Variants in ACLY observed in about 807,000 individuals in gnomAD.
ACLY encodes the protein ATP-citrate synthase.
Under a neutral mutation model 133.0 loss-of-function variants are expected in ACLY, and 41 were observed. That is an observed-to-expected ratio of 0.31 (90% confidence interval 0.24 to 0.40). The LOEUF (loss-of-function observed/expected upper bound fraction) is 0.40. Among genes scored for constraint, ACLY ranks in the 10% least tolerant of loss-of-function variants. The pLI is 1.00. For synonymous variants in ACLY, 495 were observed against 549.3 expected (o/e 0.90, Z 1.38); for missense variants, 1,046 against 1,453.8 (o/e 0.72, Z 4.56).
chr17:41,895,404 C>T (rs1555630141), intron 14 of ACLY, among the ~76,000 whole-genome samples: 3 of 152,188 alleles, frequency 2.0e-5, no homozygotes, highest in African/African-American at 7.2e-5. Flanking sequence ...GTGGCCCTTC[C>T]TCAAGCACAG....
intron 20 of ACLY, among the ~76,000 whole-genome samples, chr17:41,881,985 T>A: frequency 6.6e-6 from 1 of 152,178 alleles, no homozygotes; most frequent in East Asian, 1.9e-4. Flanking sequence ...TATCAACATA[T>A]CAAGTTCCAC....
At position 41,884,180 on chromosome 17, in the gene ACLY, TA is replaced by T; in HGVS notation, c.2154+12del. 4.6e-6 allele frequency: 7 copies of T among 1,512,732 alleles called. No homozygotes were observed. Among genetic ancestry groups the T allele is most frequent in the Non-Finnish European group, 4.6e-6 (5 of 1,092,626 alleles). 93.7% of individuals were successfully genotyped at this position (1,512,732 alleles called of 1,614,324 possible). A position where few individuals can be genotyped will look rare whatever the true frequency, so the allele number is the denominator to read the frequency against. On this transcript the variant is annotated intron_variant, in intron 19 of 28. Transcript: ENST00000352035. ...GTTTTAAAATCATAATTTTTTTTTTTAAAGTAACTCACCTCTCCAAGAACCA... is the reference window on the plus strand; with the variant it reads ...GTTTTAAAATCATAATTTTTTTTTTTAAGTAACTCACCTCTCCAAGAACCA...
intron 10 of ACLY, among the ~76,000 whole-genome samples, chr17:41,902,287 C>T (rs1335268666): frequency 6.6e-6 from 1 of 152,200 alleles, no homozygotes; most frequent in African/African-American, 2.4e-5. Context: ...GAGCTCGGCT[C>T]ACTGCAACCT....
rs2048498357 is a variant in ACLY at position 41,867,624 on chromosome 17, G to A, written c.*186C>T. 1 of 411,696 alleles carries A rather than the reference G, an allele frequency of 2.4e-6. No individual in the cohort carries two copies. Among genetic ancestry groups the A allele is most frequent in the African/African-American group, 2.1e-5 (1 of 48,520 alleles). 25.5% of individuals were successfully genotyped at this position (411,696 alleles called of 1,614,324 possible). A position where few individuals can be genotyped will look rare whatever the true frequency, so the allele number is the denominator to read the frequency against. On this transcript the variant is annotated 3_prime_UTR_variant, in exon 29 of 29. Coordinates refer to ENST00000352035, the MANE Select transcript of ACLY (RefSeq NM_001096.3). ...TCTATGCTTATAAAAAAAATATGAA[G>A]CTTCTTTGTGTGGACTGAAGGGGTG...
chr17:41,901,993 C>T (rs1484763014), intron 10 of ACLY, among the ~76,000 whole-genome samples, 180 bp from the exon 11 acceptor site: 3 of 152,150 alleles, frequency 2.0e-5, no homozygotes, highest in Non-Finnish European at 2.9e-5. Flanking sequence ...GAGGTGGGAA[C>T]GTGGGGTACC....
At chr17:41,928,503 C>A (rs1567923471) in intron 1 of ACLY, among the ~76,000 whole-genome samples, 1 of 151,456 alleles carries the variant, frequency 6.6e-6, no homozygotes, top group African/African-American at 2.4e-5. Context: ...TATTTTAGGT[C>A]TTTTGCATTT....
At chr17:41,902,515 G>A (rs531157157) in intron 10 of ACLY, among the ~76,000 whole-genome samples, 42 of 152,232 alleles carry the variant, frequency 2.8e-4, no homozygotes, top group Non-Finnish European at 5.1e-4. Context: ...CGCCCAGCGC[G>A]GTGTAAGAAC....
At chr17:41,885,910 A>C (rs1432262392) in intron 18 of ACLY, among the ~76,000 whole-genome samples, 1 of 152,166 alleles carries the variant, frequency 6.6e-6, no homozygotes, top group Non-Finnish European at 1.5e-5. Context: ...CCTCCTGCAC[A>C]TTGTTGCCCT....
chr17:41,873,328 C>T (rs1175472117), intron 23 of ACLY, among the ~76,000 whole-genome samples: 1 of 152,062 alleles, frequency 6.6e-6, no homozygotes. Flanking sequence ...TACAGGCGTG[C>T]ACCACTATGC....
At chr17:41,876,443 A>G (rs574160463) in intron 22 of ACLY, among the ~76,000 whole-genome samples, 5 of 152,378 alleles carry the variant, frequency 3.3e-5, no homozygotes, top group Non-Finnish European at 5.9e-5. Context: ...GCGAGCCATG[A>G]TGACAATGGC....
In ACLY at chr17:41,929,865, CGT is replaced by C. The variant is rs34705137; in HGVS notation, c.-28+491_-28+492del. Among the ~76,000 whole-genome samples the C allele has an allele frequency of 5.1e-3, 769 of 149,830 alleles. 6 individuals are homozygous for C. Among genetic ancestry groups the C allele is most frequent in the African/African-American group, 0.017 (680 of 40,958 alleles). On this transcript the variant is annotated intron_variant, in intron 1 of 3. Coordinates refer to the ACLY transcript ENST00000592970. ...AATATCCCCAGTTTTACATGTATGC[CGT>C]GTGTGTGTGTGTGTGTGTGCATTTG...
intron 19 of ACLY, 29 bp from the exon 20 acceptor site, chr17:41,883,261 C>A: frequency 6.3e-7 from 1 of 1,590,794 alleles, no homozygotes; most frequent in Non-Finnish European, 8.6e-7. Flanking sequence ...TGAGAAAAAG[C>A]CAAGTTAGTG....
Position 41,915,622 on chromosome 17 carries a change from A to T in ACLY, c.-23-1726T>A, listed in dbSNP as rs147184415. Among the ~76,000 whole-genome samples, 133 of 152,188 alleles carry T rather than the reference A, an allele frequency of 8.7e-4. 1 individual carries two copies. Among genetic ancestry groups the T allele is most frequent in the Admixed American group, 3.5e-3 (53 of 15,286 alleles). ...GGGGTAGCTGGGAAGGGGCTCAGAG[A>T]TGTTCCCTTTTCTGGCCTTCCCCTG... is the stretch of plus-strand genomic sequence containing the variant. On this transcript the variant is annotated intron_variant, in intron 1 of 28. Transcript: ENST00000352035.
chr17:41,886,395 C>A (rs1367666317), intron 17 of ACLY, 87 bp from the exon 18 acceptor site: 4 of 1,331,052 alleles, frequency 3.0e-6, no homozygotes, highest in Non-Finnish European at 4.1e-6. Flanking sequence ...TACTGCCCAG[C>A]CCCTTCTGGC....
intron 16 of ACLY, among the ~76,000 whole-genome samples, chr17:41,889,524 C>CAAAAAAAA (rs533387140): frequency 0.12 from 3,645 of 31,586 alleles, 1,521 homozygotes; most frequent in Middle Eastern, 0.25. Flanking sequence ...CTCCATTTCA[C>CAAAAAAAA]AAAAAAAAAA....
At chr17:41,900,914 TC>T (rs1488236841) in intron 11 of ACLY, among the ~76,000 whole-genome samples, 1 of 151,808 alleles carries the variant, frequency 6.6e-6, no homozygotes, top group Non-Finnish European at 1.5e-5. Flanking sequence ...ATGGCGCTGC[TC>T]CCTCATTCTA....
chr17:41,897,476 G>A (rs1397931149), intron 13 of ACLY, among the ~76,000 whole-genome samples: 3 of 152,078 alleles, frequency 2.0e-5, no homozygotes, highest in African/African-American at 7.2e-5. Context: ...CAGCCTCCCT[G>A]CCCAGTCCAC....
Position 41,867,687 on chromosome 17 carries a change from A to G in ACLY, c.*123T>C, listed in dbSNP as rs75113865. 3.1e-6 allele frequency: 2 copies of G among 637,566 alleles called. No homozygotes were observed. The highest frequency in any genetic ancestry group is 5.3e-6 in the Non-Finnish European group (2 of 380,840). The allele number at this position is 637,566 out of a possible 1,614,324, so 39.5% of individuals were successfully genotyped here. On this transcript the variant is annotated 3_prime_UTR_variant, in exon 29 of 29. Transcript: ENST00000352035. ...TGTTGGTCTTCGGTGCCTGTACCCC[A>G]GTGGCTGTTTACATTCCAGGCCCCT...
At chr17:41,919,644 G>A (rs1354133332), upstream of ACLY, among the ~76,000 whole-genome samples, 2 of 152,208 alleles carry the variant, frequency 1.3e-5, no homozygotes, top group Non-Finnish European at 2.9e-5. Context: ...TCACCTGCTC[G>A]CCTCAGCACG....
Sources: gnomAD v4.1 joint callset for allele counts (sites outside exome capture counted in the v4.1 genomes callset) on GRCh38, gnomAD v4.1.1 for gene constraint, MANE v1.5 for transcripts, NCBI Gene and HGNC (gene_info 2026-07-23, HGNC 2026-07-21) for gene names.